Variants in FHIT observed in about 807,000 individuals in gnomAD.
FHIT encodes fragile histidine triad diadenosine triphosphatase.
A neutral mutation model predicts 17.9 loss-of-function variants in FHIT; 19 were observed. The observed-to-expected ratio is 1.06, with a 90% CI of 0.74 to 1.56. The LOEUF (loss-of-function observed/expected upper bound fraction) is 1.56. Among genes scored for constraint, FHIT ranks in the 40% most tolerant of loss-of-function variants. The pLI, the probability that FHIT is intolerant of heterozygous loss-of-function variation, is 0.00. For missense variants in FHIT, 248 were observed against 189.2 expected (o/e 1.31, Z -1.82); for synonymous variants, 81 against 69.7 (o/e 1.16, Z -0.81).
intron 5 of FHIT, among the ~76,000 whole-genome samples, chr3:60,530,324 G>A (rs1424422473): frequency 6.6e-6 from 1 of 152,138 alleles, no homozygotes; most frequent in Non-Finnish European, 1.5e-5. Flanking sequence ...CATGCCTCAG[G>A]AACAGTGTTT....
At chr3:59,958,611 T>C (rs971034645) in intron 7 of FHIT, among the ~76,000 whole-genome samples, 3 of 152,200 alleles carry the variant, frequency 2.0e-5, no homozygotes, top group Non-Finnish European at 4.4e-5. Flanking sequence ...TGCAGCTACC[T>C]AGAGGGTTGT....
chr3:59,966,239 CCT>C (rs1209177587), intron 7 of FHIT, among the ~76,000 whole-genome samples: 2 of 152,178 alleles, frequency 1.3e-5, no homozygotes, highest in African/African-American at 4.8e-5. Flanking sequence ...AGAGAAAGCA[CCT>C]CTTTCTTGTC....
rs540826015 is a variant in FHIT at position 61,010,046 on chromosome 3, A to T, written c.-111+32001T>A. Among the ~76,000 whole-genome samples, 12 of 152,306 alleles carry T rather than the reference A, an allele frequency of 7.9e-5. No homozygotes were observed. In the South Asian group the frequency reaches 2.5e-3, roughly 32 times the overall value. On this transcript the variant is annotated intron_variant, in intron 3 of 9. Transcript: ENST00000492590. Reference sequence around the variant, plus strand: ...TCATCTACCTAAGTGGCACCTTGAAACTAGAAAGAGATGGTAAATAACAAC... The same window carrying T: ...TCATCTACCTAAGTGGCACCTTGAATCTAGAAAGAGATGGTAAATAACAAC...
intron 4 of FHIT, among the ~76,000 whole-genome samples, chr3:60,695,030 G>C (rs1279943862): frequency 1.3e-5 from 2 of 152,080 alleles, no homozygotes; most frequent in African/African-American, 4.8e-5. Context: ...CCTGCACGTT[G>C]TGCACATGTA....
chr3:60,075,542 A>C (rs2736762), intron 5 of FHIT, among the ~76,000 whole-genome samples: 3 of 151,354 alleles, frequency 2.0e-5, no homozygotes, highest in Non-Finnish European at 3.0e-5. Flanking sequence ...ATGAGTTTGG[A>C]AATCAGTAGA....
chr3:60,825,517 T>C (rs531182769), intron 3 of FHIT, among the ~76,000 whole-genome samples: 41 of 152,276 alleles, frequency 2.7e-4, no homozygotes, highest in Middle Eastern at 3.4e-3. Context: ...GTCTGTGGCC[T>C]GTTAGGGACC....
intron 5 of FHIT, among the ~76,000 whole-genome samples, chr3:60,439,934 G>A (rs889307283): frequency 2.0e-5 from 3 of 151,924 alleles, no homozygotes; most frequent in South Asian, 2.1e-4. Context: ...TTCATGCTGC[G>A]TTCCATCATG....
intron 4 of FHIT, among the ~76,000 whole-genome samples, chr3:60,618,583 T>C (rs1553676884): frequency 6.6e-6 from 1 of 152,206 alleles, no homozygotes; most frequent in Non-Finnish European, 1.5e-5. Flanking sequence ...ACCTGATTAC[T>C]TTGAAAACAA....
At chr3:60,386,039 A>G (rs973733330) in intron 5 of FHIT, among the ~76,000 whole-genome samples, 16 of 152,174 alleles carry the variant, frequency 1.1e-4, no homozygotes, top group Admixed American at 1.0e-3. Flanking sequence ...AGGGTAACTG[A>G]TCCATGGGTT....
At chr3:59,824,233 G>C (rs1259708643) in intron 8 of FHIT, among the ~76,000 whole-genome samples, 1 of 152,174 alleles carries the variant, frequency 6.6e-6, no homozygotes, top group African/African-American at 2.4e-5. Flanking sequence ...TTGGAGGAGG[G>C]GTACAGAAGG....
At chr3:60,235,261 C>G (rs1324349701) in intron 5 of FHIT, among the ~76,000 whole-genome samples, 1 of 145,506 alleles carries the variant, frequency 6.9e-6, no homozygotes, top group Non-Finnish European at 1.5e-5. Context: ...GACAGAGTCT[C>G]ACTCTCTCAC....
At chr3:60,705,267 A>G (rs979169783) in intron 4 of FHIT, among the ~76,000 whole-genome samples, 9 of 152,214 alleles carry the variant, frequency 5.9e-5, no homozygotes, top group Non-Finnish European at 1.0e-4. Flanking sequence ...AGACATAAAC[A>G]TAGAACTTCA....
intron 4 of FHIT, among the ~76,000 whole-genome samples, chr3:60,795,132 T>C (rs1700932086): frequency 6.6e-6 from 1 of 152,246 alleles, no homozygotes; most frequent in Admixed American, 6.5e-5. Flanking sequence ...TTCATGTGTT[T>C]TGTAGATTGT....
intron 2 of FHIT, among the ~76,000 whole-genome samples, chr3:61,146,639 C>T (rs2037234316): frequency 6.6e-6 from 1 of 152,116 alleles, no homozygotes; most frequent in Middle Eastern, 3.4e-3. Flanking sequence ...CAAATATTTG[C>T]ACCATGAATA....
chr3:61,234,628 G>A (rs567605268), intron 1 of FHIT, among the ~76,000 whole-genome samples: 1 of 152,184 alleles, frequency 6.6e-6, no homozygotes, highest in East Asian at 1.9e-4. Flanking sequence ...TGGGTGAAAT[G>A]CAATGTTATT....
At chr3:60,990,202 A>G (rs2030059350) in intron 3 of FHIT, among the ~76,000 whole-genome samples, 3 of 152,234 alleles carry the variant, frequency 2.0e-5, no homozygotes, top group African/African-American at 7.2e-5. Context: ...TCTACATCCG[A>G]GGACCAAAGA....
At chr3:60,932,459 AG>A (rs1553772044) in intron 3 of FHIT, among the ~76,000 whole-genome samples, 1 of 152,154 alleles carries the variant, frequency 6.6e-6, no homozygotes, top group Admixed American at 6.5e-5. Flanking sequence ...AGACAATGGC[AG>A]GCAGCATTAA....
intron 5 of FHIT, among the ~76,000 whole-genome samples, chr3:60,118,662 C>T (rs1307570090): frequency 6.6e-6 from 1 of 151,510 alleles, no homozygotes; most frequent in Non-Finnish European, 1.5e-5. Flanking sequence ...TTAGAAAGTA[C>T]ATACCTCCTA....
intron 3 of FHIT, among the ~76,000 whole-genome samples, chr3:60,857,486 A>T (rs782253543): frequency 6.6e-6 from 1 of 152,214 alleles, no homozygotes; most frequent in Non-Finnish European, 1.5e-5. Context: ...AATGGGGATA[A>T]TGACAAAAGC....
Sources: allele counts gnomAD v4.1 joint callset (sites outside exome capture counted in the v4.1 genomes callset), GRCh38; gene constraint gnomAD v4.1.1; transcripts MANE v1.5; gene names NCBI Gene and HGNC (gene_info 2026-07-23, HGNC 2026-07-21).